Variants in ZNF385D observed in about 807,000 individuals in gnomAD.
ZNF385D encodes the protein zinc finger protein 659.
In ZNF385D, 15 loss-of-function variants were observed where a neutral mutation model predicts 35.8. The observed-to-expected ratio is 0.42, with a 90% CI of 0.28 to 0.64. The LOEUF is 0.64. Among genes scored for constraint, ZNF385D ranks in the 30% least tolerant of loss-of-function variants. The pLI, the probability that ZNF385D is intolerant of heterozygous loss-of-function variation, is 0.23. For synonymous variants in ZNF385D, 212 were observed against 186.8 expected (o/e 1.13, Z -1.10); for missense variants, 474 against 494.6 (o/e 0.96, Z 0.39).
intron 2 of ZNF385D, among the ~76,000 whole-genome samples, chr3:22,233,221 A>G (rs1205553724): frequency 6.6e-6 from 1 of 152,194 alleles, no homozygotes; most frequent in Non-Finnish European, 1.5e-5. Context: ...AAAATTGTTC[A>G]AAACCATATT....
intron 2 of ZNF385D, among the ~76,000 whole-genome samples, chr3:22,169,228 GTTTAACTT>G (rs1706529824): frequency 6.6e-6 from 1 of 152,114 alleles, no homozygotes; most frequent in South Asian, 2.1e-4. Context: ...AATGGCAAAT[GTTTAACTT>G]TTTATCTATT....
intron 2 of ZNF385D, among the ~76,000 whole-genome samples, chr3:21,575,922 A>G (rs767288652): frequency 3.3e-5 from 5 of 152,184 alleles, no homozygotes; most frequent in Admixed American, 2.0e-4. Context: ...TTGGTATAGT[A>G]TTAACAATAG....
chr3:22,325,429 G>C (rs1472264549), intron 2 of ZNF385D, among the ~76,000 whole-genome samples: 2 of 152,096 alleles, frequency 1.3e-5, no homozygotes, highest in African/African-American at 4.8e-5. Context: ...CTGGAAAACT[G>C]TATAATACAT....
chr3:22,015,340 A>G (rs1696818163), intron 3 of ZNF385D, among the ~76,000 whole-genome samples: 1 of 152,196 alleles, frequency 6.6e-6, no homozygotes, highest in Non-Finnish European at 1.5e-5. Context: ...TCTATGCACC[A>G]TAATGCATCA....
intron 3 of ZNF385D, among the ~76,000 whole-genome samples, chr3:22,013,808 T>C (rs1203208364): frequency 6.6e-6 from 1 of 152,072 alleles, no homozygotes; most frequent in African/African-American, 2.4e-5. Context: ...GGAGACTCAT[T>C]CTCAGAGCAC....
At chr3:21,839,627 G>A (rs778251185) in intron 3 of ZNF385D, among the ~76,000 whole-genome samples, 3 of 152,000 alleles carry the variant, frequency 2.0e-5, no homozygotes, top group Non-Finnish European at 2.9e-5. Context: ...TGTATTTCTT[G>A]CCCCACACAA....
In ZNF385D at chr3:22,145,104, T is replaced by C. The variant is rs552422763; in HGVS notation, c.325+23713A>G. Among the ~76,000 whole-genome samples, 11 of 152,210 alleles carry C rather than the reference T, an allele frequency of 7.2e-5. No homozygotes were observed. The South Asian group carries it at 8.3e-4, about 11-fold the overall frequency. The stretch of plus-strand genomic sequence containing the variant: ...CAGTACTCAAAATGTCCTATGTACA[T>C]ACACACATACATTTGTATATATAAA... On this transcript the variant is annotated intron_variant, in intron 3 of 5. Transcript: ENST00000494108.
At chr3:21,838,243 G>A (rs1473485744) in intron 3 of ZNF385D, among the ~76,000 whole-genome samples, 1 of 152,096 alleles carries the variant, frequency 6.6e-6, no homozygotes, top group Non-Finnish European at 1.5e-5. Flanking sequence ...AGACAATGCA[G>A]GTGATAAGCA....
chr3:22,091,792 TA>T (rs1163142641), intron 3 of ZNF385D, among the ~76,000 whole-genome samples: 2 of 152,236 alleles, frequency 1.3e-5, no homozygotes, highest in Non-Finnish European at 2.9e-5. Context: ...TGCATGTTTT[TA>T]TTTGTATACC....
intron 2 of ZNF385D, among the ~76,000 whole-genome samples, chr3:21,643,336 G>A (rs914448142): frequency 2.0e-5 from 3 of 152,012 alleles, no homozygotes; most frequent in Non-Finnish European, 4.4e-5. Context: ...TAAATAAGAA[G>A]GTGAGTAGCA....
chr3:22,036,770 G>C (rs1576200567), intron 3 of ZNF385D, among the ~76,000 whole-genome samples: 1 of 143,152 alleles, frequency 7.0e-6, no homozygotes, highest in African/African-American at 2.6e-5. Flanking sequence ...GTGCAAGTTT[G>C]CTACATATGT....
intron 1 of ZNF385D, among the ~76,000 whole-genome samples, chr3:21,722,940 G>T (rs1372014198): frequency 6.6e-6 from 1 of 152,142 alleles, no homozygotes; most frequent in African/African-American, 2.4e-5. Context: ...TCCTCAATTA[G>T]TTCCCTGGCT....
intron 4 of ZNF385D, among the ~76,000 whole-genome samples, chr3:21,448,513 G>A (rs1575163937): frequency 1.3e-5 from 2 of 152,162 alleles, no homozygotes; most frequent in Admixed American, 1.3e-4. Flanking sequence ...ATATATTTCA[G>A]CCAAAGATAA....
intron 1 of ZNF385D, among the ~76,000 whole-genome samples, chr3:21,686,973 T>C (rs1480512013): frequency 6.6e-6 from 1 of 152,190 alleles, no homozygotes; most frequent in Admixed American, 6.5e-5. Context: ...ACTGGCCTCA[T>C]AACTTGTCTT....
At chr3:22,266,185 C>A (rs1235646090) in intron 2 of ZNF385D, among the ~76,000 whole-genome samples, 4 of 151,928 alleles carry the variant, frequency 2.6e-5, no homozygotes, top group Non-Finnish European at 5.9e-5. Context: ...TCATACATTT[C>A]ATTGTCTCTC....
intron 3 of ZNF385D, among the ~76,000 whole-genome samples, chr3:22,016,261 G>A (rs1233118934): frequency 6.6e-6 from 1 of 151,990 alleles, no homozygotes; most frequent in Admixed American, 6.6e-5. Context: ...GTGGGTAGAG[G>A]GTAGGTATGC....
Position 22,203,540 on chromosome 3 carries a change from G to A in ZNF385D, c.107-34505C>T, listed in dbSNP as rs182554989. Among the ~76,000 whole-genome samples the A allele has an allele frequency of 1.4e-3, 208 of 152,194 alleles. 3 individuals are homozygous for A. In the South Asian group the frequency reaches 0.028, roughly 20 times the overall value. On this transcript the variant is annotated intron_variant, in intron 2 of 5. Coordinates refer to the ZNF385D transcript ENST00000494108. ...AGCTCAGCCACAAGGATAGAGTATCGAGGAGGCTCTTGGGATCTGCAGTTC... is the reference window on the plus strand; with the variant it reads ...AGCTCAGCCACAAGGATAGAGTATCAAGGAGGCTCTTGGGATCTGCAGTTC...
chr3:21,608,131 T>A (rs1263444682), intron 2 of ZNF385D, among the ~76,000 whole-genome samples: 2 of 150,898 alleles, frequency 1.3e-5, no homozygotes, highest in Non-Finnish European at 2.9e-5. Context: ...TGCCTCAGCC[T>A]CCTGAGTAGC....
intron 4 of ZNF385D, among the ~76,000 whole-genome samples, chr3:21,452,919 T>G (rs912000202): frequency 1.3e-5 from 2 of 151,818 alleles, no homozygotes; most frequent in Non-Finnish European, 2.9e-5. Flanking sequence ...AAAAGAAGAA[T>G]AAAGTTAGAG....
Sources: allele counts gnomAD v4.1 joint callset (sites outside exome capture counted in the v4.1 genomes callset), GRCh38; gene constraint gnomAD v4.1.1; transcripts MANE v1.5; gene names NCBI Gene and HGNC (gene_info 2026-07-23, HGNC 2026-07-21).